The following NRXN3 variants were observed in gnomAD, a reference collection of about 807,000 sequenced individuals.
NRXN3 encodes the protein neurexin 3.
NRXN3 carries 32 observed loss-of-function variants against 137.6 expected under a neutral mutation model. The ratio of observed to expected loss-of-function variants is 0.23; its 90% CI spans 0.18 to 0.31. The LOEUF is 0.31. Among genes scored for constraint, NRXN3 ranks in the 10% least tolerant of loss-of-function variants. NRXN3 has a pLI of 1.00. For missense variants in NRXN3, 1,574 were observed against 2,062.5 expected, an observed-to-expected ratio of 0.76 and a Z score of 4.59; for synonymous variants, 798 against 784.5, an observed-to-expected ratio of 1.02 and a Z score of -0.29.
intron 4 of NRXN3, among the ~76,000 whole-genome samples, chr14:78,489,542 C>T (rs377531724): frequency 1.3e-5 from 2 of 152,196 alleles, no homozygotes. Context: ...GTCTTGAAGG[C>T]CTTTGCTTTT....
chr14:79,434,280 T>C (rs1266560675), intron 15 of NRXN3, among the ~76,000 whole-genome samples: 1 of 152,016 alleles, frequency 6.6e-6, no homozygotes, highest in African/African-American at 2.4e-5. Context: ...AAGAATGAGA[T>C]TCAGCCCAGA....
chr14:79,794,267 G>A (rs984497830), intron 19 of NRXN3, among the ~76,000 whole-genome samples: 1 of 152,140 alleles, frequency 6.6e-6, no homozygotes, highest in Non-Finnish European at 1.5e-5. Context: ...GGGAGGCTGA[G>A]GCAGAAGAAT....
chr14:78,996,774 C>T (rs964151349), intron 15 of NRXN3, among the ~76,000 whole-genome samples: 3 of 151,976 alleles, frequency 2.0e-5, no homozygotes, highest in Non-Finnish European at 4.4e-5. Flanking sequence ...TCCCAGAAGG[C>T]GAGACAGATG....
At chr14:78,524,606 T>C (rs2096347909) in intron 4 of NRXN3, among the ~76,000 whole-genome samples, 1 of 152,214 alleles carries the variant, frequency 6.6e-6, no homozygotes, top group African/African-American at 2.4e-5. Context: ...TCTGCCAGTC[T>C]ATAGAATGGC....
chr14:79,222,136 A>G (rs2069839994), intron 15 of NRXN3, among the ~76,000 whole-genome samples: 1 of 152,194 alleles, frequency 6.6e-6, no homozygotes, highest in African/African-American at 2.4e-5. Flanking sequence ...TACCAGTACC[A>G]TGCTGTTTTG....
chr14:78,292,522 G>C (rs909614874), intron 3 of NRXN3, among the ~76,000 whole-genome samples: 2 of 152,192 alleles, frequency 1.3e-5, no homozygotes, highest in African/African-American at 4.8e-5. Flanking sequence ...CAGACATCCT[G>C]TTGGGATCCA....
intron 15 of NRXN3, among the ~76,000 whole-genome samples, chr14:79,064,197 C>T (rs1413477054): frequency 2.0e-5 from 3 of 152,070 alleles, no homozygotes; most frequent in African/African-American, 7.2e-5. Context: ...ATGGCACAGC[C>T]GTGAGTAGAG....
At chr14:78,438,530 A>C (rs1219915296) in intron 4 of NRXN3, among the ~76,000 whole-genome samples, 1 of 151,648 alleles carries the variant, frequency 6.6e-6, no homozygotes, top group Non-Finnish European at 1.5e-5. Flanking sequence ...CTAATCTAAT[A>C]ACTGCCCAAT....
chr14:78,261,187 A>G (rs1374017420), intron 2 of NRXN3, among the ~76,000 whole-genome samples: 2 of 152,286 alleles, frequency 1.3e-5, no homozygotes, highest in South Asian at 4.1e-4. Flanking sequence ...TCCTGTGGAT[A>G]TCAGTGACTG....
At chr14:78,774,438 A>G (rs1291918486) in intron 8 of NRXN3, among the ~76,000 whole-genome samples, 1 of 152,236 alleles carries the variant, frequency 6.6e-6, no homozygotes. Context: ...GATTTCTTAC[A>G]TGTTGTACAA....
chr14:79,602,944 G>T (rs1349825847), intron 16 of NRXN3, among the ~76,000 whole-genome samples: 17 of 151,990 alleles, frequency 1.1e-4, no homozygotes, highest in Admixed American at 1.1e-3. Context: ...TTATTCCGTG[G>T]GCTGCTCACC....
At chr14:78,450,656 T>G (rs1047500962) in intron 4 of NRXN3, among the ~76,000 whole-genome samples, 1 of 152,220 alleles carries the variant, frequency 6.6e-6, no homozygotes, top group Non-Finnish European at 1.5e-5. Flanking sequence ...TCACCCTCTC[T>G]GGTCAGAGCT....
At position 79,640,355 on chromosome 14, in the gene NRXN3, A is replaced by C. The variant is rs745417062; in HGVS notation, c.3445-23423A>C. On this transcript the variant is annotated intron_variant, in intron 16 of 20. Coordinates refer to ENST00000335750, the MANE Select transcript of NRXN3 (RefSeq NM_001330195.2). ...TAAATGTTTTAGATTCAGGCAAATA[A>C]ATACATATCTATATTGGGAGATAAG... 2.2e-5 allele frequency among the ~76,000 whole-genome samples: 3 copies of C among 135,564 alleles called. 1 individual carries two copies. The highest frequency in any genetic ancestry group is 5.1e-5 in the Non-Finnish European group (3 of 58,316). The allele number at this position is 135,564 out of a possible 152,430, so 88.9% of individuals were successfully genotyped here. A position where few individuals can be genotyped will look rare whatever the true frequency, so the allele number is the denominator to read the frequency against.
intron 10 of NRXN3, among the ~76,000 whole-genome samples, chr14:78,929,684 A>G (rs1365772633): frequency 6.6e-6 from 1 of 152,160 alleles, no homozygotes; most frequent in Non-Finnish European, 1.5e-5. Context: ...TAATAGGATG[A>G]TTTATATTCC....
chr14:79,506,726 T>C (rs1394954254), intron 16 of NRXN3, among the ~76,000 whole-genome samples: 1 of 152,120 alleles, frequency 6.6e-6, no homozygotes, highest in African/African-American at 2.4e-5. Flanking sequence ...ATTTGTCCTT[T>C]AAGACAACCC....
At chr14:78,858,138 A>T (rs2099062581) in intron 10 of NRXN3, among the ~76,000 whole-genome samples, 1 of 152,144 alleles carries the variant, frequency 6.6e-6, no homozygotes, top group Admixed American at 6.5e-5. Context: ...TTCTCTCTGC[A>T]CTTCCAGGAA....
intron 15 of NRXN3, among the ~76,000 whole-genome samples, chr14:79,026,272 A>G (rs998841867): frequency 6.6e-6 from 1 of 152,176 alleles, no homozygotes. Context: ...AGTCAGATTC[A>G]ATTGTTACTG....
intron 16 of NRXN3, among the ~76,000 whole-genome samples, chr14:79,492,149 T>C (rs1331129453): frequency 6.6e-6 from 1 of 152,160 alleles, no homozygotes; most frequent in Non-Finnish European, 1.5e-5. Context: ...ATTTCTCAAC[T>C]CTTGAGTTAG....
chr14:78,651,415 C>A (rs776339489), intron 6 of NRXN3, 89 bp downstream of exon 6: 35 of 1,392,398 alleles, frequency 2.5e-5, no homozygotes, highest in Non-Finnish European at 2.2e-5. Context: ...TGGATCTGTC[C>A]TCAAATCTAT....
Sources: allele counts gnomAD v4.1 joint callset (sites outside exome capture counted in the v4.1 genomes callset), GRCh38; gene constraint gnomAD v4.1.1; transcripts MANE v1.5; gene names NCBI Gene and HGNC (gene_info 2026-07-23, HGNC 2026-07-21).